The following WDR25 variants were observed in gnomAD, a reference collection of about 807,000 sequenced individuals.
The protein encoded by WDR25 is WD repeat-containing protein 25.
Under a neutral mutation model 47.7 loss-of-function variants are expected in WDR25, and 35 were observed. That is an observed-to-expected ratio of 0.73 (90% CI 0.56 to 0.97). The LOEUF (loss-of-function observed/expected upper bound fraction) is 0.97, where lower values mean the gene tolerates loss of function less well. Among genes scored for constraint, WDR25 ranks in the 50% least tolerant of loss-of-function variants. The pLI is 0.00. For synonymous variants in WDR25, 248 were observed against 278.9 expected (o/e 0.89, Z 1.10); for missense variants, 634 against 704.7 (o/e 0.90, Z 1.14).
chr14:100,463,544 C>T (rs977481908), intron 2 of WDR25, among the ~76,000 whole-genome samples: 2 of 152,198 alleles, frequency 1.3e-5, no homozygotes, highest in Non-Finnish European at 2.9e-5. Context: ...TGTGGGACTC[C>T]TCTCTGTCCT....
At chr14:100,384,552 G>T (rs1416580473) in intron 2 of WDR25, among the ~76,000 whole-genome samples, 1 of 152,196 alleles carries the variant, frequency 6.6e-6, no homozygotes, top group Non-Finnish European at 1.5e-5. Flanking sequence ...TGGTGTCAGA[G>T]GTGGGGCAGC....
At chr14:100,401,223 G>T (rs2140171438) in intron 2 of WDR25, among the ~76,000 whole-genome samples, 1 of 152,254 alleles carries the variant, frequency 6.6e-6, no homozygotes, top group East Asian at 1.9e-4. Context: ...CCCCGTGGCT[G>T]CAGCCTCTGC....
rs372685254 is a variant in WDR25, at chr14:100,381,396, G to C, written c.472G>C (p.Gly158Arg). The C allele has an allele frequency of 1.9e-5, 31 of 1,614,084 alleles. No individual in the cohort carries two copies. The African/African-American group carries it at 3.5e-4, about 18-fold the overall frequency. ...TGCTCAAAGTGAGTCTGAAACCGTA[G>C]GTAAAAATGGCAGCTCTTTTCAGAA... ...FHAQSESETV[G>R]KNGSSFQKKK... The change falls in exon 2 of 7, where the codon GGT becomes CGT. Residue 158 changes from glycine (G) to arginine (R), a missense_variant. Gly to Arg is a moderately radical substitution (Grantham distance 125). Transcript: ENST00000402312.
chr14:100,400,658 G>C (rs1897356567), intron 2 of WDR25, among the ~76,000 whole-genome samples: 1 of 152,300 alleles, frequency 6.6e-6, no homozygotes, highest in Non-Finnish European at 1.5e-5. Context: ...CATTAATACA[G>C]GGCATGATAA....
At chr14:100,483,276 G>A (rs1005883218) in intron 3 of WDR25, among the ~76,000 whole-genome samples, 5 of 152,130 alleles carry the variant, frequency 3.3e-5, no homozygotes, top group South Asian at 2.1e-4. Flanking sequence ...CACACCATAC[G>A]TATATATATG....
intron 2 of WDR25, among the ~76,000 whole-genome samples, chr14:100,405,828 C>T (rs1437496815): frequency 1.3e-5 from 2 of 152,180 alleles, no homozygotes; most frequent in Admixed American, 6.5e-5. Flanking sequence ...GCTTAAGAAA[C>T]GCCACTCCCG....
chr14:100,433,596 G>A (rs1029742415), intron 2 of WDR25, among the ~76,000 whole-genome samples: 4 of 152,280 alleles, frequency 2.6e-5, no homozygotes, highest in East Asian at 1.9e-4. Flanking sequence ...TCTTACCTGA[G>A]TCAGTCCCTA....
chr14:100,445,070 G>A (rs1034672294), intron 2 of WDR25, among the ~76,000 whole-genome samples: 5 of 152,134 alleles, frequency 3.3e-5, no homozygotes, highest in African/African-American at 1.2e-4. Flanking sequence ...CTGGGCCTCT[G>A]TGTTCTTGCT....
intron 2 of WDR25, among the ~76,000 whole-genome samples, chr14:100,400,879 A>T (rs1323372320): frequency 1.3e-5 from 2 of 152,228 alleles, no homozygotes; most frequent in African/African-American, 4.8e-5. Flanking sequence ...CCCACACAGT[A>T]GTCACTAATG....
chr14:100,515,966 C>T (rs534867236), intron 4 of WDR25, among the ~76,000 whole-genome samples: 17 of 151,522 alleles, frequency 1.1e-4, no homozygotes, highest in African/African-American at 3.6e-4. Context: ...TCATTTGTGT[C>T]ACTCATGGGT....
chr14:100,423,072 T>A (rs1898072550), intron 2 of WDR25, among the ~76,000 whole-genome samples: 1 of 152,246 alleles, frequency 6.6e-6, no homozygotes, highest in Admixed American at 6.5e-5. Context: ...TCATTTAATC[T>A]CTCACCTCTC....
chr14:100,523,395 G>A lies in WDR25; in HGVS notation c.1102-2475G>A, dbSNP rs1207842374. The stretch of plus-strand genomic sequence containing the variant: ...CCCCACCCCCTGTCCTTCAGGTCTG[G>A]GTGCAGAGGACTGGCAGCATGGGGT... On this transcript the variant is annotated intron_variant, in intron 4 of 6. Transcript: ENST00000402312. The surrounding 1 kb of genome is among the most constrained non-coding windows in gnomAD (Gnocchi z 4.7). 6.6e-6 allele frequency among the ~76,000 whole-genome samples: 1 copy of A among 152,162 alleles called. No individual in the cohort carries two copies. Among genetic ancestry groups the A allele is most frequent in the African/African-American group, 2.4e-5 (1 of 41,438 alleles).
At chr14:100,475,435 T>C (rs1304251650) in intron 3 of WDR25, among the ~76,000 whole-genome samples, 2 of 152,210 alleles carry the variant, frequency 1.3e-5, no homozygotes, top group African/African-American at 2.4e-5. Flanking sequence ...CACAATGGAA[T>C]ACTCTACAGC....
Position 100,484,015 on chromosome 14 carries a change from G to T in WDR25, c.992G>T (p.Arg331Leu). ...GTAGGAACCCAGCTATTTAGTGGTC[G>T]AAGTGACTTTAGAATCACTACCTTG... ...LETGTQLFSG[R>L]SDFRITTLKF... The change falls in exon 4 of 7, where the codon CGA becomes CTA. Residue 331 changes from arginine (R) to leucine (L), a missense_variant. Transcript: ENST00000402312. The T allele has an allele frequency of 6.2e-7, 1 of 1,612,968 alleles. No individual in the cohort carries two copies. The highest frequency in any genetic ancestry group is 8.5e-7 in the Non-Finnish European group (1 of 1,179,666).
intron 2 of WDR25, among the ~76,000 whole-genome samples, chr14:100,467,785 C>G (rs1899685682): frequency 6.6e-6 from 1 of 152,114 alleles, no homozygotes; most frequent in Non-Finnish European, 1.5e-5. Flanking sequence ...CATACCCGTC[C>G]AGAATGCAGT....
In WDR25 at chr14:100,484,164, G is replaced by A. The variant is rs558277817; in HGVS notation, c.1101+40G>A. Reference sequence around the variant, plus strand: ...CCTAACTTGGCCTTTCCACAGGAGAGCTTGTTTCGACAATTTGAATAATTG... The same window carrying A: ...CCTAACTTGGCCTTTCCACAGGAGAACTTGTTTCGACAATTTGAATAATTG... On this transcript the variant is annotated intron_variant, in intron 4 of 6. Transcript: ENST00000402312. 4 of 1,578,776 alleles carry A rather than the reference G, an allele frequency of 2.5e-6. No individual in the cohort carries two copies. In the African/African-American group the frequency reaches 4.1e-5, roughly 16 times the overall value.
At chr14:100,397,606 C>T (rs1897287624) in intron 2 of WDR25, among the ~76,000 whole-genome samples, 1 of 152,126 alleles carries the variant, frequency 6.6e-6, no homozygotes, top group Admixed American at 6.5e-5. Context: ...GTAAGGTGCT[C>T]TGGGGCATAA....
intron 2 of WDR25, among the ~76,000 whole-genome samples, chr14:100,390,424 TGTGC>T (rs1305217024): frequency 6.9e-6 from 1 of 144,714 alleles, no homozygotes; most frequent in African/African-American, 2.5e-5. Context: ...TGTGTGTGTG[TGTGC>T]ATGCACACGC....
intron 2 of WDR25, among the ~76,000 whole-genome samples, chr14:100,395,401 T>TG (rs1280529413): frequency 6.6e-6 from 1 of 152,164 alleles, no homozygotes; most frequent in African/African-American, 2.4e-5. Context: ...ACCAGGCGTA[T>TG]GGCAGGCACT....
Sources: allele counts gnomAD v4.1 joint callset (sites outside exome capture counted in the v4.1 genomes callset), GRCh38; gene constraint gnomAD v4.1.1; non-coding constraint Gnocchi (gnomAD v3.1); transcripts MANE v1.5; gene names NCBI Gene and HGNC (gene_info 2026-07-23, HGNC 2026-07-21).